The following ATP8B1 variants were observed in gnomAD, a reference collection of about 807,000 sequenced individuals.
ATP8B1 encodes the protein phospholipid-transporting ATPase IC.
Under a neutral mutation model 149.9 loss-of-function variants are expected in ATP8B1, and 80 were observed. The observed-to-expected ratio is 0.53, with a 90% CI of 0.45 to 0.64. The LOEUF (loss-of-function observed/expected upper bound fraction) is 0.64, where lower values mean the gene tolerates loss of function less well. Among genes scored for constraint, ATP8B1 ranks in the 30% least tolerant of loss-of-function variants. The pLI is 0.00. For synonymous variants in ATP8B1, 536 were observed against 562.8 expected (o/e 0.95, Z 0.67); for missense variants, 1,247 against 1,552.6 (o/e 0.80, Z 3.31).
chr18:57,751,720 C>A (rs896918691), intron 1 of ATP8B1, among the ~76,000 whole-genome samples: 1 of 152,192 alleles, frequency 6.6e-6, no homozygotes, highest in Non-Finnish European at 1.5e-5. Context: ...GCAGGCCCCA[C>A]CCTAGCTCCA....
At chr18:57,715,115 A>C (rs1377078274) in intron 2 of ATP8B1, among the ~76,000 whole-genome samples, 1 of 152,250 alleles carries the variant, frequency 6.6e-6, no homozygotes, top group East Asian at 1.9e-4. Flanking sequence ...AAAGAAATTC[A>C]AGACAACACA....
intron 1 of ATP8B1, among the ~76,000 whole-genome samples, chr18:57,751,501 A>G (rs767803452): frequency 2.0e-5 from 3 of 152,120 alleles, no homozygotes; most frequent in Non-Finnish European, 4.4e-5. Context: ...CCAAACACAA[A>G]ATACAATTAC....
At chr18:57,674,265 A>G (rs1911448690) in intron 16 of ATP8B1, among the ~76,000 whole-genome samples, 1 of 150,926 alleles carries the variant, frequency 6.6e-6, no homozygotes, top group Non-Finnish European at 1.5e-5. Context: ...AAAAGAAAAG[A>G]AAAGAAAAAA....
intron 15 of ATP8B1, among the ~76,000 whole-genome samples, chr18:57,678,007 A>G (rs1042924591): frequency 3.3e-5 from 5 of 152,210 alleles, no homozygotes; most frequent in African/African-American, 1.2e-4. Flanking sequence ...ATTGCAGACT[A>G]ACAGAGATGG....
rs1222147907 is a variant in ATP8B1 at position 57,713,240 on chromosome 18, CTTCT to C, written c.182-6657_182-6654del. 6.4e-3 allele frequency among the ~76,000 whole-genome samples: 415 copies of C among 65,006 alleles called. 5 individuals carry two copies. The highest frequency in any genetic ancestry group is 0.022 in the Middle Eastern group (3 of 134). The allele number at this position is 65,006 out of a possible 152,430, so 42.6% of individuals were successfully genotyped here. On this transcript the variant is annotated intron_variant, in intron 2 of 27. Coordinates refer to ENST00000648908, the MANE Select transcript of ATP8B1 (RefSeq NM_001374385.1). ...CCTTCCTTCCTTCCTTCCTTCCTTC[CTTCT>C]TTCTTTCTTTCTTTCTTTCTCTTTC...
At chr18:57,683,375 T>C (rs971996982) in intron 15 of ATP8B1, among the ~76,000 whole-genome samples, 1 of 152,218 alleles carries the variant, frequency 6.6e-6, no homozygotes, top group Non-Finnish European at 1.5e-5. Flanking sequence ...TAATTTATCA[T>C]TATGTCCATT....
At chr18:57,719,943 C>G (rs561909828) in intron 2 of ATP8B1, among the ~76,000 whole-genome samples, 1 of 152,272 alleles carries the variant, frequency 6.6e-6, no homozygotes, top group African/African-American at 2.4e-5. Context: ...TGACCCCTGA[C>G]CCCCGAGCAG....
rs1912799371 is a variant in ATP8B1, at chr18:57,696,213, T to G, written c.699-681A>C. Among the ~76,000 whole-genome samples, 4 of 152,370 alleles carry G rather than the reference T, an allele frequency of 2.6e-5. No individual in the cohort carries two copies. The South Asian group carries it at 8.3e-4, about 32-fold the overall frequency. On this transcript the variant is annotated intron_variant, in intron 8 of 27. Coordinates refer to ENST00000648908, the MANE Select transcript of ATP8B1 (RefSeq NM_001374385.1). ...GCAGGGCATGTTAGGATCTTATGTC[T>G]TTGTAAAGCTTTAGAATCTCTCATG...
chr18:57,682,131 A>G lies in ATP8B1; in HGVS notation c.1630+1905T>C, dbSNP rs145672154. The stretch of plus-strand genomic sequence containing the variant: ...GCGATTCTCCTGTCTCAGCCTCCCA[A>G]GTAGCTGGGATTATAGGCACATGCC... On this transcript the variant is annotated intron_variant, in intron 15 of 27. Coordinates refer to ENST00000648908, the MANE Select transcript of ATP8B1 (RefSeq NM_001374385.1). Among the ~76,000 whole-genome samples, 20 of 151,848 alleles carry G rather than the reference A, an allele frequency of 1.3e-4. No homozygotes were observed. In the East Asian group the frequency reaches 2.5e-3, roughly 19 times the overall value.
intron 27 of ATP8B1, among the ~76,000 whole-genome samples, chr18:57,649,632 G>A (rs908561115): frequency 6.6e-6 from 1 of 152,070 alleles, no homozygotes; most frequent in East Asian, 1.9e-4. Flanking sequence ...TCTCATGGGC[G>A]GTGGGCAGGT....
At chr18:57,749,212 A>T (rs886382859) in intron 1 of ATP8B1, among the ~76,000 whole-genome samples, 2 of 152,216 alleles carry the variant, frequency 1.3e-5, no homozygotes, top group Non-Finnish European at 2.9e-5. Flanking sequence ...GCACATGGTG[A>T]TGAGGGCTTG....
intron 2 of ATP8B1, among the ~76,000 whole-genome samples, chr18:57,727,005 G>A (rs899324738): frequency 7.2e-5 from 11 of 152,098 alleles, no homozygotes; most frequent in African/African-American, 2.7e-4. Context: ...ACTTGAACCC[G>A]GGAGGCGGAG....
intron 12 of ATP8B1, 52 bp from the exon 13 acceptor site, chr18:57,688,559 G>A: frequency 1.3e-6 from 2 of 1,562,298 alleles, no homozygotes; most frequent in Non-Finnish European, 1.8e-6. Flanking sequence ...CGAGTGGCAA[G>A]TAGTAGAGAT....
At chr18:57,735,952 A>G (rs560496785) in intron 1 of ATP8B1, among the ~76,000 whole-genome samples, 67 of 151,006 alleles carry the variant, frequency 4.4e-4, no homozygotes, top group East Asian at 1.2e-3. Flanking sequence ...TTGTCCTAAT[A>G]CTCTCCCATT....
chr18:57,744,766 T>C (rs1233812988), intron 1 of ATP8B1, among the ~76,000 whole-genome samples: 4 of 152,234 alleles, frequency 2.6e-5, no homozygotes, highest in Admixed American at 6.5e-5. Flanking sequence ...GCTGAATTAA[T>C]TTTAATGTTA....
chr18:57,710,780 G>A (rs1449323944), intron 2 of ATP8B1, among the ~76,000 whole-genome samples: 4 of 152,006 alleles, frequency 2.6e-5, no homozygotes, highest in Non-Finnish European at 5.9e-5. Flanking sequence ...GGTTACAGGC[G>A]CCCACCATCA....
intron 1 of ATP8B1, among the ~76,000 whole-genome samples, chr18:57,752,415 C>T (rs1436893219): frequency 6.6e-6 from 1 of 151,978 alleles, no homozygotes; most frequent in Admixed American, 6.6e-5. Flanking sequence ...TTAGTAAGCT[C>T]CTACTTCTCC....
At chr18:57,661,676 T>TACACATACAC (rs1555688754) in intron 21 of ATP8B1, among the ~76,000 whole-genome samples, 2 of 104,628 alleles carry the variant, frequency 1.9e-5, no homozygotes, top group African/African-American at 7.4e-5. Flanking sequence ...TGTATGTATA[T>TACACATACAC]ACACACACAC....
intron 16 of ATP8B1, among the ~76,000 whole-genome samples, chr18:57,673,906 AGCTTT>A: frequency 6.6e-6 from 1 of 152,314 alleles, no homozygotes; most frequent in Non-Finnish European, 1.5e-5. Flanking sequence ...TCATAAGCAT[AGCTTT>A]GCTTTTCTCA....
Sources: allele counts gnomAD v4.1 joint callset (sites outside exome capture counted in the v4.1 genomes callset), GRCh38; gene constraint gnomAD v4.1.1; transcripts MANE v1.5; gene names NCBI Gene and HGNC (gene_info 2026-07-23, HGNC 2026-07-21).